The following PJA2 variants were observed in gnomAD, a reference collection of about 807,000 sequenced individuals.
PJA2 encodes the protein E3 ubiquitin-protein ligase Praja-2.
Under a neutral mutation model 69.3 loss-of-function variants are expected in PJA2, and 25 were observed. The ratio of observed to expected loss-of-function variants is 0.36; its 90% CI spans 0.26 to 0.50. PJA2 has a LOEUF of 0.50. Ranked by LOEUF, PJA2 falls within the 20% of genes least tolerant of loss-of-function variation. The pLI is 0.96. For missense variants in PJA2, 809 were observed against 830.2 expected, an observed-to-expected ratio of 0.97 and a Z score of 0.31; for synonymous variants, 308 against 277.8, an observed-to-expected ratio of 1.11 and a Z score of -1.08.
intron 1 of PJA2, among the ~76,000 whole-genome samples, chr5:109,402,982 A>G (rs1203202792): frequency 6.6e-6 from 1 of 152,138 alleles, no homozygotes; most frequent in African/African-American, 2.4e-5. Context: ...CACCTTAATA[A>G]ATTAACATAG....
chr5:109,399,976 G>A (rs763934673), intron 1 of PJA2, among the ~76,000 whole-genome samples: 12 of 152,110 alleles, frequency 7.9e-5, no homozygotes, highest in Non-Finnish European at 1.5e-4. Context: ...AAAACTAGGG[G>A]AGGAAGCTTT....
In PJA2 at chr5:109,379,099, C is replaced by A. The variant is rs144872344; in HGVS notation, c.388G>T (p.Asp130Tyr). 6.2e-7 allele frequency: 1 copy of A among 1,613,940 alleles called. No individual in the cohort carries two copies. Among genetic ancestry groups the A allele is most frequent in the Non-Finnish European group, 8.5e-7 (1 of 1,180,008 alleles). Residue 130 changes from aspartate (D) to tyrosine (Y), a missense_variant, in exon 4 of 10, where the codon GAT becomes TAT. Physicochemically the swap from Asp to Tyr is radical, Grantham distance 160. Around this residue, in one of 4 missense-constraint regions of PJA2, gnomAD observed 700 missense variants for 639.5 expected, o/e 1.09. Transcript: ENST00000361189. ...AGATTTGTACTGCTTCCTAAGGTAT[C>A]CCTGCCTTCCTCACTGTGATGTACT... ...VAVHHSEEGR[D>Y]TLGSSTNLHN... is the part of the protein sequence containing the mutation.
intron 1 of PJA2, among the ~76,000 whole-genome samples, chr5:109,402,571 T>C (rs1191627753): frequency 1.3e-5 from 2 of 152,134 alleles, no homozygotes; most frequent in Non-Finnish European, 2.9e-5. Flanking sequence ...AAACTTACCA[T>C]TATACTTGGA....
chr5:109,361,967 A>T (rs1365086848), intron 6 of PJA2, among the ~76,000 whole-genome samples: 1 of 152,250 alleles, frequency 6.6e-6, no homozygotes, highest in African/African-American at 2.4e-5. Context: ...AGAGGACTTA[A>T]AACATATGTT....
At position 109,366,601 on chromosome 5, in the gene PJA2, G is replaced by A. The variant is rs1256954258; in HGVS notation, c.1469+1960C>T. Among the ~76,000 whole-genome samples the A allele has an allele frequency of 2.0e-5, 3 of 152,078 alleles. No individual in the cohort carries two copies. In the East Asian group the frequency reaches 5.8e-4, roughly 29 times the overall value. On this transcript the variant is annotated intron_variant, in intron 5 of 9. Transcript: ENST00000361189. ...ATTCCCTTCACAGTAATCATCACAT[G>A]TGTAATGTACTGGGTTTGTATCTTG...
At chr5:109,370,471 T>C (rs1762658811) in intron 4 of PJA2, among the ~76,000 whole-genome samples, 1 of 152,084 alleles carries the variant, frequency 6.6e-6, no homozygotes, top group Non-Finnish European at 1.5e-5. Flanking sequence ...AGATATAAAA[T>C]CAACTGCCAA....
At chr5:109,377,346 G>A (rs1202908575) in intron 4 of PJA2, among the ~76,000 whole-genome samples, 1 of 152,032 alleles carries the variant, frequency 6.6e-6, no homozygotes, top group Admixed American at 6.5e-5. Flanking sequence ...ATTGAGCACT[G>A]TCAGGGATGC....
In PJA2 at chr5:109,337,183, A is replaced by G; in HGVS notation, c.*48T>C. 6.4e-7 allele frequency: 1 copy of G among 1,558,546 alleles called. No individual in the cohort carries two copies. Among genetic ancestry groups the G allele is most frequent in the Non-Finnish European group, 8.7e-7 (1 of 1,152,560 alleles). On this transcript the variant is annotated 3_prime_UTR_variant, in exon 10 of 10. Transcript: ENST00000361189. ...TATTTGCACATGAAATTTAGAAGGAATTTGCAGATTTACTTTGATACACTG... is the reference window on the plus strand; with the variant it reads ...TATTTGCACATGAAATTTAGAAGGAGTTTGCAGATTTACTTTGATACACTG...
chr5:109,389,032 G>C (rs1019010703), intron 1 of PJA2, among the ~76,000 whole-genome samples: 3 of 152,074 alleles, frequency 2.0e-5, no homozygotes, highest in Admixed American at 2.0e-4. Context: ...AATCCATGTT[G>C]GTCACAATAC....
At chr5:109,381,738 G>C (rs757204819) in intron 2 of PJA2, 35 bp from the exon 3 acceptor site, 2 of 1,587,262 alleles carry the variant, frequency 1.3e-6, no homozygotes, top group Non-Finnish European at 1.7e-6. Context: ...AACAGGAACA[G>C]CAATGAGCTT....
At chr5:109,340,526 ATCCTT>A (rs1762023379) in intron 9 of PJA2, among the ~76,000 whole-genome samples, 1 of 151,536 alleles carries the variant, frequency 6.6e-6, no homozygotes, top group Non-Finnish European at 1.5e-5. Flanking sequence ...GATGGTAAAT[ATCCTT>A]TATGCAAAAA....
At chr5:109,354,397 CTAGA>C in intron 7 of PJA2, among the ~76,000 whole-genome samples, 1 of 140,456 alleles carries the variant, frequency 7.1e-6, no homozygotes, top group African/African-American at 2.9e-5. Context: ...TCTCTGATAT[CTAGA>C]GATATCTATA....
intron 9 of PJA2, among the ~76,000 whole-genome samples, chr5:109,342,903 C>T (rs1419944514): frequency 5.9e-5 from 4 of 68,126 alleles, no homozygotes; most frequent in Non-Finnish European, 8.8e-5. Context: ...CCCCCCTGCC[C>T]GGCCAGCCGC....
Position 109,344,226 on chromosome 5 carries a change from G to A in PJA2, c.1965C>T (p.Phe655=). Residue 655 remains phenylalanine, a synonymous_variant, in exon 9 of 10, where the codon TTC becomes TTT. Transcript: ENST00000361189. ...AAATTGAGACACAAGGTTTGTGAAA[G>A]AAATGGTGACAGGGCAACTCTGTTG... The part of the protein sequence containing the change: ...DIATELPCHH[F]FHKPCVSIWL... 6.2e-7 allele frequency: 1 copy of A among 1,610,102 alleles called. No individual in the cohort carries two copies. The highest frequency in any genetic ancestry group is 8.5e-7 in the Non-Finnish European group (1 of 1,177,994).
chr5:109,356,818 T>G (rs1762420035), intron 6 of PJA2, among the ~76,000 whole-genome samples: 1 of 152,128 alleles, frequency 6.6e-6, no homozygotes, highest in Non-Finnish European at 1.5e-5. Flanking sequence ...GCTTGAAAAA[T>G]AGCTCCTAAC....
chr5:109,353,014 A>G (rs528455918), intron 7 of PJA2, among the ~76,000 whole-genome samples: 1 of 124,488 alleles, frequency 8.0e-6, no homozygotes, highest in South Asian at 2.4e-4. Context: ...TTAGATACCT[A>G]TATCTATAGA....
chr5:109,404,569 GGGA>G, intron 1 of PJA2, among the ~76,000 whole-genome samples: 1 of 152,196 alleles, frequency 6.6e-6, no homozygotes, highest in Admixed American at 6.5e-5. Flanking sequence ...TCTGGAGGCT[GGGA>G]AGTCCAAAAT....
At chr5:109,380,804 C>CAAAAAAAAAA (rs34675958) in intron 3 of PJA2, among the ~76,000 whole-genome samples, 1 of 88,730 alleles carries the variant, frequency 1.1e-5, no homozygotes, top group Non-Finnish European at 2.0e-5. Context: ...GATTCCATCT[C>CAAAAAAAAAA]AAAAAAAAAA....
intron 4 of PJA2, among the ~76,000 whole-genome samples, chr5:109,371,223 A>C (rs183427100): frequency 1.6e-3 from 241 of 152,286 alleles, no homozygotes; most frequent in South Asian, 2.3e-3. Flanking sequence ...CTAAGGAGAC[A>C]ACTTTTAAAT....
Sources: gnomAD v4.1 joint callset for allele counts (sites outside exome capture counted in the v4.1 genomes callset) on GRCh38, gnomAD v4.1.1 for gene constraint, gnomAD v4.1.1 regional missense constraint, MANE v1.5 for transcripts, NCBI Gene and HGNC (gene_info 2026-07-23, HGNC 2026-07-21) for gene names.